LRFN4: variants seen among roughly 807,000 people sequenced by gnomAD.
LRFN4 encodes the protein leucine-rich repeat and fibronectin type-III domain-containing protein 4.
A neutral mutation model predicts 29.0 loss-of-function variants in LRFN4; 10 were observed. The observed-to-expected ratio is 0.35, with a 90% CI of 0.21 to 0.59. The LOEUF (loss-of-function observed/expected upper bound fraction) is 0.59. LRFN4 is among the 20% of genes least tolerant of loss of function. The pLI is 0.82. For missense variants in LRFN4, 850 were observed against 907.9 expected (o/e 0.94, Z 0.82); for synonymous variants, 493 against 437.0 (o/e 1.13, Z -1.60).
chr11:66,857,774 G>A lies in LRFN4; in HGVS notation c.30G>A (p.Leu10=). Residue 10 remains leucine (L), a synonymous_variant, in exon 1 of 2, where the codon CTG becomes CTA. Transcript: ENST00000309602. This position sits in a 1 kb window ranked among gnomAD's most constrained non-coding sequence, Gnocchi z 7.1. ...CCCCGCCGCTCCTGCTGCTGCTGCT[G>A]GCCAGTGGAGCGGCCGCCTGCCCGC... MAPPLLLLL[L]ASGAAACPLP... 6.3e-7 allele frequency: 1 copy of A among 1,595,290 alleles called. No individual in the cohort carries two copies.
In LRFN4 at chr11:66,858,652, G is replaced by C; in HGVS notation, c.908G>C (p.Arg303Pro). 1 of 1,541,372 alleles carries C rather than the reference G, an allele frequency of 6.5e-7. No individual in the cohort carries two copies. The highest frequency in any genetic ancestry group is 8.7e-7 in the Non-Finnish European group (1 of 1,143,968). Reference sequence around the variant, plus strand: ...GGCCAGCGGGCCACGCTGCGGTGCCGGGCCCTGGGTGACCCCGCGCCTACC... The same window carrying C: ...GGCCAGCGGGCCACGCTGCGGTGCCCGGCCCTGGGTGACCCCGCGCCTACC... ...LEGQRATLRC[R>P]ALGDPAPTMH... is the part of the protein sequence containing the mutation. Residue 303 changes from arginine (R) to proline (P), a missense_variant, in exon 1 of 2, where the codon CGG (arginine) becomes CCG (proline). Coordinates refer to ENST00000309602, the MANE Select transcript of LRFN4 (RefSeq NM_024036.5). This position sits in a 1 kb window ranked among gnomAD's most constrained non-coding sequence, Gnocchi z 5.9.
At position 66,859,103 on chromosome 11, in the gene LRFN4, C is replaced by T. The variant is rs201994951; in HGVS notation, c.1349+10C>T. 6.7e-4 allele frequency: 1,000 copies of T among 1,482,970 alleles called. 2 individuals carry two copies. Among genetic ancestry groups the T allele is most frequent in the Middle Eastern group, 3.7e-3 (20 of 5,456 alleles). 91.9% of individuals were successfully genotyped at this position (1,482,970 alleles called of 1,614,324 possible). On this transcript the variant is annotated intron_variant, in intron 1 of 1. Transcript: ENST00000309602. ...AGACCCTCATCTACCGGTGAGGATG[C>T]GTGCCCCACACCCGGCTGCACTCCC...
Position 66,859,693 on chromosome 11 carries a change from A to G in LRFN4, c.1406A>G (p.Asp469Gly), listed in dbSNP as rs1478642140. ...FLLKHLVPGADYDLCLLALSP... is the reference protein window; with the variant it reads ...FLLKHLVPGAGYDLCLLALSP... ...CTGAAGCACCTCGTCCCCGGCGCTG[A>G]CTATGACCTCTGCCTGCTGGCCTTG... The change falls in exon 2 of 2, where the codon GAC (aspartate) becomes GGC (glycine). Residue 469 changes from aspartate to glycine, a missense_variant. Around this residue, in one of 2 missense-constraint regions of LRFN4, gnomAD observed 744 missense variants for 753.8 expected, o/e 0.99. Coordinates refer to ENST00000309602, the MANE Select transcript of LRFN4 (RefSeq NM_024036.5). The G allele has an allele frequency of 6.2e-7, 1 of 1,612,642 alleles. No individual in the cohort carries two copies. The highest frequency in any genetic ancestry group is 8.5e-7 in the Non-Finnish European group (1 of 1,179,822).
chr11:66,858,776 G>A lies in LRFN4; in HGVS notation c.1032G>A (p.Gly344=), dbSNP rs1371766249. 7 of 1,550,176 alleles carry A rather than the reference G, an allele frequency of 4.5e-6. No homozygotes were observed. In the South Asian group the frequency reaches 8.3e-5, roughly 18 times the overall value. The change falls in exon 1 of 2, where the codon GGG becomes GGA. Residue 344 remains glycine, a synonymous_variant. Transcript: ENST00000309602. This position sits in a 1 kb window ranked among gnomAD's most constrained non-coding sequence, Gnocchi z 5.9. ...TAGAGATTGGGGTGACCGGCGCTGG[G>A]GACGCTGGGGGCTACACCTGCATCG... ...GTLEIGVTGA[G]DAGGYTCIAT... is the part of the protein sequence containing the mutation.
In LRFN4 at chr11:66,860,020, C is replaced by T. The variant is rs754142855; in HGVS notation, c.1733C>T (p.Pro578Leu). 1.1e-5 allele frequency: 18 copies of T among 1,588,226 alleles called. No homozygotes were observed. In the African/African-American group the frequency reaches 2.0e-4, roughly 18 times the overall value. ...PKAHPPRSPP[P>L]RPQRSCSLDL... ...GCCCACCCGCCGCGGAGCCCCCCGC[C>T]CCGGCCGCAGCGCAGCTGCTCTCTG... Residue 578 changes from proline (P) to leucine (L), a missense_variant, in exon 2 of 2, where the codon CCC becomes CTC. Pro to Leu is a moderately conservative substitution (Grantham distance 98). Around this residue, in one of 2 missense-constraint regions of LRFN4, gnomAD observed 744 missense variants for 753.8 expected, o/e 0.99. Coordinates refer to ENST00000309602, the MANE Select transcript of LRFN4 (RefSeq NM_024036.5).
Position 66,858,243 on chromosome 11 carries a change from G to A in LRFN4, c.499G>A (p.Ala167Thr), listed in dbSNP as rs770613527. ...GCAGGTGCCCTGGGCCGGCATCGGC[G>A]CCATGCCTGCCCTGCACACCCTCAA... is the stretch of plus-strand genomic sequence containing the variant. ...LRQVPWAGIG[A>T]MPALHTLNLD... is the part of the protein sequence containing the mutation. Residue 167 changes from alanine to threonine, a missense_variant, in exon 1 of 2, where the codon GCC becomes ACC. Ala to Thr is a moderately conservative substitution (Grantham distance 58). This residue lies in a region of LRFN4 where 744 missense variants were observed against 753.8 expected (regional missense o/e 0.99). Transcript: ENST00000309602. This position sits in a 1 kb window ranked among gnomAD's most constrained non-coding sequence, Gnocchi z 5.9. 1.1e-5 allele frequency: 18 copies of A among 1,612,176 alleles called. No individual in the cohort carries two copies. Among genetic ancestry groups the A allele is most frequent in the Middle Eastern group, 1.6e-4 (1 of 6,082 alleles).
At position 66,859,913 on chromosome 11, in the gene LRFN4, G is replaced by C. The variant is rs1265440558; in HGVS notation, c.1626G>C (p.Arg542=). 3.8e-6 allele frequency: 6 copies of C among 1,583,156 alleles called. No homozygotes were observed. Among genetic ancestry groups the C allele is most frequent in the Non-Finnish European group, 5.1e-6 (6 of 1,165,278 alleles). ...CTGTGGCCTTGCTGGTTCGGGGCCGGGGGGCCGGAAATGGCCGCCTCCCCC... is the reference window on the plus strand; with the variant it reads ...CTGTGGCCTTGCTGGTTCGGGGCCGCGGGGCCGGAAATGGCCGCCTCCCCC... ...VFTVALLVRG[R]GAGNGRLPLK... Residue 542 remains arginine, a synonymous_variant, in exon 2 of 2, where the codon CGG becomes CGC. Transcript: ENST00000309602.
rs1164265934 is a variant in LRFN4, at chr11:66,857,798, G to A, written c.54G>A (p.Pro18=). ...TGGCCAGTGGAGCGGCCGCCTGCCC[G>A]CTGCCCTGCGTCTGCCAGAACCTGT... ...LLLASGAAAC[P]LPCVCQNLSE... The change falls in exon 1 of 2, where the codon CCG becomes CCA. Residue 18 remains proline (P), a synonymous_variant. Coordinates refer to ENST00000309602, the MANE Select transcript of LRFN4 (RefSeq NM_024036.5). The surrounding 1 kb of genome is among the most constrained non-coding windows in gnomAD (Gnocchi z 7.1). 1.3e-6 allele frequency: 2 copies of A among 1,599,028 alleles called. No individual in the cohort carries two copies. Among genetic ancestry groups the A allele is most frequent in the Non-Finnish European group, 1.7e-6 (2 of 1,178,872 alleles).
At position 66,858,272 on chromosome 11, in the gene LRFN4, G is replaced by C; in HGVS notation, c.528G>C (p.Leu176=). 2 of 1,612,162 alleles carry C rather than the reference G, an allele frequency of 1.2e-6. No individual in the cohort carries two copies. The highest frequency in any genetic ancestry group is 1.7e-6 in the Non-Finnish European group (2 of 1,179,924). ...GAMPALHTLN[L]DHNLIDALPP... is the part of the protein sequence containing the mutation. ...TGCCTGCCCTGCACACCCTCAACCT[G>C]GACCATAACCTTATTGACGCACTGC... The change falls in exon 1 of 2, where the codon CTG becomes CTC. Residue 176 remains leucine (L), a synonymous_variant. Coordinates refer to ENST00000309602, the MANE Select transcript of LRFN4 (RefSeq NM_024036.5). This position sits in a 1 kb window ranked among gnomAD's most constrained non-coding sequence, Gnocchi z 5.9.
rs747078428 is a variant in LRFN4 at position 66,858,897 on chromosome 11, G to A, written c.1153G>A (p.Gly385Arg). The A allele has an allele frequency of 1.4e-5, 22 of 1,562,188 alleles. No individual in the cohort carries two copies. Among genetic ancestry groups the A allele is most frequent in the African/African-American group, 4.1e-5 (3 of 73,516 alleles). ...GNSSAEGGRP[G>R]PSDIAASART... ...CAGCAGTGCCGAGGGGGGCCGCCCC[G>A]GGCCCTCGGACATCGCCGCCTCCGC... Residue 385 changes from glycine (G) to arginine (R), a missense_variant, in exon 1 of 2, where the codon GGG (glycine) becomes AGG (arginine). By Grantham distance (125) the Gly-to-Arg change is moderately radical. Coordinates refer to ENST00000309602, the MANE Select transcript of LRFN4 (RefSeq NM_024036.5). This position sits in a 1 kb window ranked among gnomAD's most constrained non-coding sequence, Gnocchi z 5.9.
intron 1 of LRFN4, 60 bp from the exon 2 acceptor site, chr11:66,859,577 G>A (rs969226443): frequency 1.9e-6 from 3 of 1,603,248 alleles, no homozygotes; most frequent in African/African-American, 1.3e-5. Context: ...ACGGGAGTGG[G>A]GAGGTGAGGA....
Position 66,858,862 on chromosome 11 carries a change from A to G in LRFN4, c.1118A>G (p.His373Arg), listed in dbSNP as rs756654010. 14 of 1,556,788 alleles carry G rather than the reference A, an allele frequency of 9.0e-6. No homozygotes were observed. The South Asian group carries it at 1.5e-4, about 17-fold the overall frequency. Residue 373 changes from histidine (H) to arginine (R), a missense_variant, in exon 1 of 2, where the codon CAT becomes CGT. His to Arg is a conservative substitution (Grantham distance 29). Around this residue, in one of 2 missense-constraint regions of LRFN4, gnomAD observed 744 missense variants for 753.8 expected, o/e 0.99. Transcript: ENST00000309602. The surrounding 1 kb of genome is among the most constrained non-coding windows in gnomAD (Gnocchi z 5.9). Reference protein sequence around the residue: ...RVELRVLALPHGGNSSAEGGR... With the variant: ...RVELRVLALPRGGNSSAEGGR... ...GAACTGCGGGTGCTGGCCTTGCCCCATGGTGGGAACAGCAGTGCCGAGGGG... is the reference window on the plus strand; with the variant it reads ...GAACTGCGGGTGCTGGCCTTGCCCCGTGGTGGGAACAGCAGTGCCGAGGGG...
At position 66,858,990 on chromosome 11, in the gene LRFN4, G is replaced by A. The variant is rs146377143; in HGVS notation, c.1246G>A (p.Ala416Thr). The part of the protein sequence containing the change: ...EPAVQVTEVT[A>T]TSGLVSWGPG... ...AGCCGTGCAGGTGACGGAGGTGACC[G>A]CCACCTCAGGGCTGGTGAGCTGGGG... Residue 416 changes from alanine to threonine, a missense_variant, in exon 1 of 2, where the codon GCC becomes ACC. By Grantham distance (58) the Ala-to-Thr change is moderately conservative. Transcript: ENST00000309602. This position sits in a 1 kb window ranked among gnomAD's most constrained non-coding sequence, Gnocchi z 5.9. 61 of 1,557,608 alleles carry A rather than the reference G, an allele frequency of 3.9e-5. No individual in the cohort carries two copies. The African/African-American group carries it at 6.0e-4, about 15-fold the overall frequency.
Position 66,857,451 on chromosome 11 carries a change from CG to C in LRFN4, c.-291del. 2.7e-6 allele frequency: 1 copy of C among 372,278 alleles called. No individual in the cohort carries two copies. Among genetic ancestry groups the C allele is most frequent in the Non-Finnish European group, 4.8e-6 (1 of 208,516 alleles). The allele number at this position is 372,278 out of a possible 1,614,324, so 23.1% of individuals were successfully genotyped here. A position where few individuals can be genotyped will look rare whatever the true frequency, so the allele number is the denominator to read the frequency against. ...TGGGGACGCCTGGGAAAGGAAGTTC[CG>C]GGACCCTCCCTGCTCTCGGTCCTCC... On this transcript the variant is annotated 5_prime_UTR_variant, in exon 1 of 2. It introduces an in-frame stop codon into an upstream open reading frame of the 5' UTR. Coordinates refer to ENST00000309602, the MANE Select transcript of LRFN4 (RefSeq NM_024036.5). This position sits in a 1 kb window ranked among gnomAD's most constrained non-coding sequence, Gnocchi z 7.1.
At position 66,859,850 on chromosome 11, in the gene LRFN4, C is replaced by T. The variant is rs777373948; in HGVS notation, c.1563C>T (p.Ala521=). The T allele has an allele frequency of 2.1e-5, 33 of 1,565,746 alleles. No individual in the cohort carries two copies. The highest frequency in any genetic ancestry group is 1.1e-4 in the South Asian group (9 of 83,062). ...TGCTGGGCGGGACCCTGACCGTGGC[C>T]GTGGGGGGTGTGCTGGTGGCTGCCT... is the stretch of plus-strand genomic sequence containing the variant. ...AHVLGGTLTV[A]VGGVLVAALL... is the part of the protein sequence containing the mutation. Residue 521 remains alanine, a synonymous_variant, in exon 2 of 2, where the codon GCC becomes GCT. Transcript: ENST00000309602.
chr11:66,858,174 C>A lies in LRFN4; in HGVS notation c.430C>A (p.Leu144Ile). 6.2e-7 allele frequency: 1 copy of A among 1,611,494 alleles called. No homozygotes were observed. The highest frequency in any genetic ancestry group is 8.5e-7 in the Non-Finnish European group (1 of 1,179,190). Residue 144 changes from leucine (L) to isoleucine (I), a missense_variant, in exon 1 of 2, where the codon CTA (leucine) becomes ATA (isoleucine). Leu to Ile is a conservative substitution (Grantham distance 5). Transcript: ENST00000309602. The surrounding 1 kb of genome is among the most constrained non-coding windows in gnomAD (Gnocchi z 5.9). Reference sequence around the variant, plus strand: ...CGCGCCGGGAGCCTTCGACGACTTCCTAGAGAGCCTGGAGGACCTGGACCT... The same window carrying A: ...CGCGCCGGGAGCCTTCGACGACTTCATAGAGAGCCTGGAGGACCTGGACCT... The part of the protein sequence containing the change: ...RIAPGAFDDF[L>I]ESLEDLDLSY...
At position 66,858,881 on chromosome 11, in the gene LRFN4, C is replaced by T. The variant is rs367902341; in HGVS notation, c.1137C>T (p.Ala379=). 3.1e-5 allele frequency: 48 copies of T among 1,553,424 alleles called. No homozygotes were observed. The highest frequency in any genetic ancestry group is 4.0e-5 in the Non-Finnish European group (46 of 1,148,720). The stretch of plus-strand genomic sequence containing the variant: ...TGCCCCATGGTGGGAACAGCAGTGC[C>T]GAGGGGGGCCGCCCCGGGCCCTCGG... The part of the protein sequence containing the change: ...LALPHGGNSS[A]EGGRPGPSDI... The change falls in exon 1 of 2, where the codon GCC becomes GCT. Residue 379 remains alanine, a synonymous_variant. Transcript: ENST00000309602. The surrounding 1 kb of genome is among the most constrained non-coding windows in gnomAD (Gnocchi z 5.9).
In LRFN4 at chr11:66,860,107, G is replaced by A. The variant is rs749141471; in HGVS notation, c.1820G>A (p.Arg607Gln). The change falls in exon 2 of 2, where the codon CGG (arginine) becomes CAG (glutamine). Residue 607 changes from arginine to glutamine, a missense_variant. By Grantham distance (43) the Arg-to-Gln change is conservative (BLOSUM62 1). This residue lies in a region of LRFN4 where 744 missense variants were observed against 753.8 expected (regional missense o/e 0.99). Coordinates refer to ENST00000309602, the MANE Select transcript of LRFN4 (RefSeq NM_024036.5). ...CGCCTGGGAGGAGCTTGGGCCCGAC[G>A]GAGCCACTCTGTGCATGGGGGGCTG... ...ARRLGGAWAR[R>Q]SHSVHGGLLG... The A allele has an allele frequency of 1.6e-5, 25 of 1,551,624 alleles. No individual in the cohort carries two copies. In the South Asian group the frequency reaches 2.6e-4, roughly 16 times the overall value.
Position 66,858,726 on chromosome 11 carries a change from G to A in LRFN4, c.982G>A (p.Ala328Thr). The A allele has an allele frequency of 6.4e-7, 1 of 1,553,834 alleles. No homozygotes were observed. Among genetic ancestry groups the A allele is most frequent in the Non-Finnish European group, 8.7e-7 (1 of 1,148,076 alleles). ...CCGGTTGGTTGGCAACTCCTCCCGAGCCCGGGCTTTCCCCAACGGGACCTT... is the reference window on the plus strand; with the variant it reads ...CCGGTTGGTTGGCAACTCCTCCCGAACCCGGGCTTTCCCCAACGGGACCTT... ...DDRLVGNSSR[A>T]RAFPNGTLEI... Residue 328 changes from alanine to threonine, a missense_variant, in exon 1 of 2, where the codon GCC becomes ACC. Physicochemically the swap from Ala to Thr is moderately conservative, Grantham distance 58 (BLOSUM62 0). Coordinates refer to ENST00000309602, the MANE Select transcript of LRFN4 (RefSeq NM_024036.5). This position sits in a 1 kb window ranked among gnomAD's most constrained non-coding sequence, Gnocchi z 5.9.
Sources: allele counts gnomAD v4.1 joint callset, GRCh38; gene constraint gnomAD v4.1.1; regional missense constraint gnomAD v4.1.1; non-coding constraint Gnocchi (gnomAD v3.1); transcripts MANE v1.5; gene names NCBI Gene and HGNC (gene_info 2026-07-23, HGNC 2026-07-21).